DNAH5: variants seen among roughly 807,000 people sequenced by gnomAD.
DNAH5 encodes the protein axonemal beta dynein heavy chain 5.
A neutral mutation model predicts 518.2 loss-of-function variants in DNAH5; 372 were observed. That is an observed-to-expected ratio of 0.72 (90% CI 0.66 to 0.78). The LOEUF (loss-of-function observed/expected upper bound fraction) is 0.78. Among genes scored for constraint, DNAH5 ranks in the 30% least tolerant of loss-of-function variants. DNAH5 has a pLI of 0.00. For missense variants in DNAH5, 5,523 were observed against 5,687.0 expected (o/e 0.97, Z 0.93); for synonymous variants, 2,039 against 2,025.9 (o/e 1.01, Z -0.17).
chr5:13,741,355 A>G (rs1748514396), intron 65 of DNAH5, among the ~76,000 whole-genome samples: 1 of 152,090 alleles, frequency 6.6e-6, no homozygotes, highest in African/African-American at 2.4e-5. Context: ...CTTTAAGCAA[A>G]ACAGAAGTTC....
At position 13,820,414 on chromosome 5, in the gene DNAH5, A is replaced by G; in HGVS notation, c.6773T>C (p.Met2258Thr). The G allele has an allele frequency of 6.2e-7, 1 of 1,613,992 alleles. No homozygotes were observed. The highest frequency in any genetic ancestry group is 8.5e-7 in the Non-Finnish European group (1 of 1,180,022). Residue 2258 changes from methionine to threonine, a missense_variant, in exon 41 of 79, where the codon ATG (methionine) becomes ACG (threonine). Around this residue, in one of 3 missense-constraint regions of DNAH5, gnomAD observed 5,121 missense variants for 5,223.3 expected, o/e 0.98. Transcript: ENST00000265104. The stretch of plus-strand genomic sequence containing the variant: ...AGCCCCACTGGGCCCCAGAGTCATC[A>G]TCCCATGTCGCACTCTCTGCGTTTC... ...LFETQRVRHG[M>T]MTLGPSGAGK...
At chr5:13,894,066 G>T (rs1173508418) in intron 16 of DNAH5, among the ~76,000 whole-genome samples, 1 of 37,706 alleles carries the variant, frequency 2.7e-5, no homozygotes, top group Non-Finnish European at 6.1e-5. Context: ...GAGACCTACT[G>T]GGACACTGGC....
At chr5:13,915,604 G>A (rs1341419261) in intron 9 of DNAH5, among the ~76,000 whole-genome samples, 6 of 152,048 alleles carry the variant, frequency 3.9e-5, no homozygotes, top group Non-Finnish European at 5.9e-5. Context: ...GAAGGAAAAC[G>A]TTTCCTATTG....
chr5:13,842,423 A>AAAAGAAAGAAAGAAAGAAAGAAAG lies in DNAH5; in HGVS notation c.5272-543_5272-520dup, dbSNP rs77171541. Reference sequence around the variant, plus strand: ...AACAGAGCGAGAAAGAAAAGAAAAGAAAAGAAAGAAAGAAAGAAAGAAAGA... The same window carrying AAAAGAAAGAAAGAAAGAAAGAAAG: ...AACAGAGCGAGAAAGAAAAGAAAAGAAAAGAAAGAAAGAAAGAAAGAAAGAAAGAAAGAAAGAAAGAAAGAAAGA... On this transcript the variant is annotated intron_variant, in intron 32 of 78. Coordinates refer to ENST00000265104, the MANE Select transcript of DNAH5 (RefSeq NM_001369.3). Among the ~76,000 whole-genome samples the AAAAGAAAGAAAGAAAGAAAGAAAG allele has an allele frequency of 2.0e-4, 15 of 75,960 alleles. No homozygotes were observed. The East Asian group carries it at 2.1e-3, about 11-fold the overall frequency. The allele number at this position is 75,960 out of a possible 152,430, so 49.8% of individuals were successfully genotyped here.
intron 45 of DNAH5, 57 bp downstream of exon 45, chr5:13,810,002 G>T: frequency 6.9e-7 from 1 of 1,453,132 alleles, no homozygotes; most frequent in Non-Finnish European, 9.4e-7. Flanking sequence ...GTAAATATTG[G>T]CCATGTAGGA....
chr5:13,719,694 G>A (rs544767876), intron 71 of DNAH5, among the ~76,000 whole-genome samples: 48 of 152,262 alleles, frequency 3.2e-4, no homozygotes, highest in South Asian at 6.2e-4. Flanking sequence ...AGCACATTGA[G>A]GGAATAGGTA....
chr5:13,807,323 A>G (rs1345766662), intron 47 of DNAH5, among the ~76,000 whole-genome samples: 1 of 152,208 alleles, frequency 6.6e-6, no homozygotes, highest in Non-Finnish European at 1.5e-5. Flanking sequence ...TTGCGTGTTC[A>G]CAGTATTTTC....
intron 24 of DNAH5, 141 bp from the exon 25 acceptor site, chr5:13,868,133 C>T (rs1055892690): frequency 3.5e-5 from 26 of 738,014 alleles, no homozygotes; most frequent in African/African-American, 5.3e-5. Context: ...TACTTCAAAC[C>T]GCAAGAGGTT....
intron 74 of DNAH5, 126 bp from the exon 75 acceptor site, chr5:13,714,746 C>T: frequency 1.1e-6 from 1 of 884,958 alleles, no homozygotes. Context: ...TGGTGTCAAG[C>T]TACAAACTCA....
chr5:13,946,776 G>T (rs1779959521), upstream of DNAH5, among the ~76,000 whole-genome samples: 1 of 152,222 alleles, frequency 6.6e-6, no homozygotes, highest in Non-Finnish European at 1.5e-5. Flanking sequence ...TGGGCGGAAG[G>T]CTTCATCCAG....
chr5:13,887,036 T>C (rs998858422), intron 17 of DNAH5, among the ~76,000 whole-genome samples: 2 of 152,234 alleles, frequency 1.3e-5, no homozygotes, highest in Admixed American at 6.5e-5. Flanking sequence ...ACTCATTCCA[T>C]GTAAACTAAC....
intron 12 of DNAH5, 41 bp from the exon 13 acceptor site, chr5:13,902,179 G>T: frequency 7.0e-7 from 1 of 1,420,742 alleles, no homozygotes; most frequent in East Asian, 2.3e-5. Flanking sequence ...ATAGAATTGG[G>T]AATTTACTGT....
At chr5:13,859,718 T>TA in intron 29 of DNAH5, 113 bp from the exon 30 acceptor site, 1 of 1,012,268 alleles carries the variant, frequency 9.9e-7, no homozygotes, top group Non-Finnish European at 1.5e-6. Flanking sequence ...CAACCTTAAT[T>TA]ATGTTGCTGG....
intron 65 of DNAH5, among the ~76,000 whole-genome samples, chr5:13,746,234 C>A (rs1749313995): frequency 6.6e-6 from 1 of 152,070 alleles, no homozygotes; most frequent in Admixed American, 6.6e-5. Flanking sequence ...TAGGACAATG[C>A]TGTGGAGAGA....
chr5:13,718,776 G>A, intron 72 of DNAH5, 106 bp downstream of exon 72: 1 of 917,668 alleles, frequency 1.1e-6, no homozygotes, highest in Non-Finnish European at 1.8e-6. Flanking sequence ...TTAAACAGTA[G>A]TACTATTTGC....
chr5:13,960,863 GTCA>G (rs1781128680), intron 1 of DNAH5, among the ~76,000 whole-genome samples: 1 of 152,204 alleles, frequency 6.6e-6, no homozygotes, highest in Admixed American at 6.5e-5. Context: ...CTTCCATGGG[GTCA>G]TCTTTTTGAT....
intron 59 of DNAH5, among the ~76,000 whole-genome samples, chr5:13,764,781 T>C (rs1752280869): frequency 6.6e-6 from 1 of 152,202 alleles, no homozygotes; most frequent in Non-Finnish European, 1.5e-5. Context: ...AAATTAATAC[T>C]AAGCCCAAAA....
chr5:13,922,086 G>A lies in DNAH5; in HGVS notation c.660+21C>T, dbSNP rs74611074. On this transcript the variant is annotated intron_variant, in intron 5 of 78. Coordinates refer to ENST00000265104, the MANE Select transcript of DNAH5 (RefSeq NM_001369.3). The stretch of plus-strand genomic sequence containing the variant: ...GTTGACCACCTGATCATTTTTAAAG[G>A]AACAGCTTATTCGTCCTCACCTTCT... 2.0e-3 allele frequency: 3,184 copies of A among 1,611,710 alleles called. 51 individuals are homozygous for A. The African/African-American group carries it at 0.038, about 19-fold the overall frequency.
At chr5:14,003,493 T>G (rs1784501990) in intron 1 of DNAH5, among the ~76,000 whole-genome samples, 2 of 152,146 alleles carry the variant, frequency 1.3e-5, no homozygotes, top group Non-Finnish European at 2.9e-5. Flanking sequence ...AGAAGGCAAA[T>G]TAGTCCTTCC....
Sources: allele counts gnomAD v4.1 joint callset (sites outside exome capture counted in the v4.1 genomes callset), GRCh38; gene constraint gnomAD v4.1.1; regional missense constraint gnomAD v4.1.1; transcripts MANE v1.5; gene names NCBI Gene and HGNC (gene_info 2026-07-23, HGNC 2026-07-21).